SCP2: variants seen among roughly 807,000 people sequenced by gnomAD.
SCP2 encodes sterol carrier protein 2.
Under a neutral mutation model 71.4 loss-of-function variants are expected in SCP2, and 48 were observed. That is an observed-to-expected ratio of 0.67 (90% CI 0.53 to 0.86). The LOEUF (loss-of-function observed/expected upper bound fraction) is 0.86. Among genes scored for constraint, SCP2 ranks in the 40% least tolerant of loss-of-function variants. SCP2 has a pLI of 0.00. For synonymous variants in SCP2, 220 were observed against 218.1 expected, an observed-to-expected ratio of 1.01 and a Z score of -0.08; for missense variants, 560 against 655.6, an observed-to-expected ratio of 0.85 and a Z score of 1.59.
chr1:52,978,257 G>A lies in SCP2; in HGVS notation c.715G>A (p.Glu239Lys). ...TGCTGCAGCAGCAATTTTGGCCAGT[G>A]AAGCATTTGTACAGAAGTATGGCCT... ...DGAAAAILAS[E>K]AFVQKYGLQS... The change falls in exon 9 of 16, where the codon GAA (glutamate) becomes AAA (lysine). Residue 239 changes from glutamate (E) to lysine (K), a missense_variant. Transcript: ENST00000371514. The A allele has an allele frequency of 6.2e-7, 1 of 1,614,072 alleles. No homozygotes were observed. The highest frequency in any genetic ancestry group is 1.1e-5 in the South Asian group (1 of 91,080).
At chr1:52,949,470 C>A (rs959695296) in intron 3 of SCP2, among the ~76,000 whole-genome samples, 4 of 152,142 alleles carry the variant, frequency 2.6e-5, no homozygotes, top group African/African-American at 9.7e-5. Context: ...AGAAAGGGTA[C>A]ACTCGCCAGC....
intron 11 of SCP2, among the ~76,000 whole-genome samples, chr1:52,997,983 A>G (rs1660049625): frequency 6.6e-6 from 1 of 152,200 alleles, no homozygotes; most frequent in African/African-American, 2.4e-5. Context: ...AACTTCATAT[A>G]AATGGAATCA....
intron 11 of SCP2, among the ~76,000 whole-genome samples, chr1:52,991,146 A>G (rs566763532): frequency 3.3e-5 from 5 of 152,196 alleles, no homozygotes; most frequent in Non-Finnish European, 5.9e-5. Context: ...TCTCTTTAGT[A>G]TGTAGCTTAG....
At chr1:52,974,948 TA>T (rs1322775123) in intron 7 of SCP2, 116 bp downstream of exon 7, 3 of 695,642 alleles carry the variant, frequency 4.3e-6, no homozygotes, top group African/African-American at 3.6e-5. Context: ...TAGAATGTTT[TA>T]TTTTTTTCTT....
In SCP2 at chr1:53,038,944, G is replaced by A. The variant is rs779243900; in HGVS notation, c.1366G>A (p.Gly456Ser). The change falls in exon 14 of 16, where the codon GGT becomes AGT. Residue 456 changes from glycine (G) to serine (S), a missense_variant. Coordinates refer to ENST00000371514, the MANE Select transcript of SCP2 (RefSeq NM_002979.5). ...AGGGGAACAGTTTGTGAAGAAAATC[G>A]GTGGTATTTTTGCCTTCAAGGTGAA... ...EEGEQFVKKIGGIFAFKVKDG... is the reference protein window; with the variant it reads ...EEGEQFVKKISGIFAFKVKDG... 7.4e-6 allele frequency: 12 copies of A among 1,613,944 alleles called. No individual in the cohort carries two copies. The highest frequency in any genetic ancestry group is 5.0e-5 in the Admixed American group (3 of 59,996).
intron 3 of SCP2, among the ~76,000 whole-genome samples, chr1:52,949,292 G>T (rs898543096): frequency 1.3e-5 from 2 of 152,158 alleles, no homozygotes; most frequent in Admixed American, 6.5e-5. Flanking sequence ...TGATTTTGCT[G>T]AAGACTCCTG....
rs1229996145 is a variant in SCP2 at position 53,050,871 on chromosome 1, A to G, written c.*167A>G. ...CCTGTTTTTCCTATGCTCTGGGTGA[A>G]TAGAGCCTGATGGTATACTACTGCT... On this transcript the variant is annotated 3_prime_UTR_variant, in exon 16 of 16. Coordinates refer to ENST00000371514, the MANE Select transcript of SCP2 (RefSeq NM_002979.5). 3.4e-6 allele frequency: 2 copies of G among 595,860 alleles called. No homozygotes were observed. Among genetic ancestry groups the G allele is most frequent in the African/African-American group, 3.7e-5 (2 of 53,692 alleles). 36.9% of individuals were successfully genotyped at this position (595,860 alleles called of 1,614,324 possible).
intron 6 of SCP2, among the ~76,000 whole-genome samples, chr1:52,971,607 C>T (rs1187664996): frequency 6.6e-6 from 1 of 152,168 alleles, no homozygotes; most frequent in African/African-American, 2.4e-5. Flanking sequence ...CATTTTTATG[C>T]TTAGGTTCAA....
rs777497403 is a variant in SCP2, at chr1:52,927,385, A to T, written c.-12A>T. The T allele has an allele frequency of 1.1e-5, 17 of 1,581,260 alleles. 1 individual carries two copies. In the South Asian group the frequency reaches 1.7e-4, roughly 16 times the overall value. On this transcript the variant is annotated 5_prime_UTR_variant, in exon 1 of 16. Coordinates refer to ENST00000371514, the MANE Select transcript of SCP2 (RefSeq NM_002979.5). ...TCCGCGGCGCCCGCCCCGGTCCCGC[A>T]CTGGTGCAGCCATGTCCTCTTCCCC...
intron 2 of SCP2, among the ~76,000 whole-genome samples, chr1:52,944,716 G>T (rs17107484): frequency 6.6e-6 from 1 of 151,866 alleles, no homozygotes; most frequent in Non-Finnish European, 1.5e-5. Flanking sequence ...TTAACTCTGG[G>T]GATTGACTAG....
In SCP2 at chr1:52,988,099, T is replaced by G; in HGVS notation, c.1044T>G (p.Gly348=). ...GAAAGTGGGTCATAAATCCTAGTGG[T>G]GGACTGATTTCAAAGGGACACCCAC... The part of the protein sequence containing the change: ...YGGKWVINPS[G]GLISKGHPLG... Residue 348 remains glycine (G), a synonymous_variant, in exon 11 of 16, where the codon GGT becomes GGG. Coordinates refer to ENST00000371514, the MANE Select transcript of SCP2 (RefSeq NM_002979.5). 6.2e-7 allele frequency: 1 copy of G among 1,602,412 alleles called. No individual in the cohort carries two copies. The highest frequency in any genetic ancestry group is 8.5e-7 in the Non-Finnish European group (1 of 1,169,616).
intron 11 of SCP2, among the ~76,000 whole-genome samples, chr1:53,013,064 A>G (rs557446558): frequency 3.4e-5 from 5 of 147,456 alleles, no homozygotes; most frequent in African/African-American, 7.5e-5. Flanking sequence ...TAATTTCTAA[A>G]TTGTTCACAA....
intron 14 of SCP2, among the ~76,000 whole-genome samples, chr1:53,041,268 G>T (rs1418508565): frequency 6.6e-6 from 1 of 152,046 alleles, no homozygotes; most frequent in Non-Finnish European, 1.5e-5. Context: ...CTGGGTGTGT[G>T]GTGCGTGCCT....
At chr1:52,955,157 T>A (rs545134015) in intron 5 of SCP2, among the ~76,000 whole-genome samples, 1 of 152,344 alleles carries the variant, frequency 6.6e-6, no homozygotes, top group East Asian at 1.9e-4. Flanking sequence ...GCCAGTTCTC[T>A]CACTGATAAC....
intron 10 of SCP2, among the ~76,000 whole-genome samples, chr1:52,982,271 G>T (rs1488931257): frequency 6.6e-6 from 1 of 152,066 alleles, no homozygotes; most frequent in Non-Finnish European, 1.5e-5. Flanking sequence ...CTTCTGGGGG[G>T]TAAAATCTCT....
intron 4 of SCP2, among the ~76,000 whole-genome samples, chr1:52,954,289 C>T (rs1279243536): frequency 4.7e-5 from 7 of 150,092 alleles, no homozygotes; most frequent in Non-Finnish European, 7.4e-5. Flanking sequence ...ACTCCAATCT[C>T]GGTGACAGAC....
intron 7 of SCP2, among the ~76,000 whole-genome samples, chr1:52,975,723 T>C (rs554044838): frequency 1.3e-5 from 2 of 152,240 alleles, no homozygotes; most frequent in Non-Finnish European, 1.5e-5. Flanking sequence ...GGAACTAGTA[T>C]TCTTTAATTT....
chr1:52,975,506 C>T (rs543486832), intron 7 of SCP2, among the ~76,000 whole-genome samples: 53 of 152,104 alleles, frequency 3.5e-4, no homozygotes, highest in African/African-American at 1.3e-3. Flanking sequence ...GAGCTTTTGC[C>T]ATGTTGGCCA....
chr1:52,987,016 T>A lies in SCP2; in HGVS notation c.974-1013T>A, dbSNP rs1176249343. ...TATATATATATATATATTTTTTTTTTTTTTTTTTTGAGACAGAGTTTTGCT... is the reference window on the plus strand; with the variant it reads ...TATATATATATATATATTTTTTTTTATTTTTTTTTGAGACAGAGTTTTGCT... On this transcript the variant is annotated intron_variant, in intron 10 of 15. Coordinates refer to ENST00000371514, the MANE Select transcript of SCP2 (RefSeq NM_002979.5). Among the ~76,000 whole-genome samples the A allele has an allele frequency of 1.1e-3, 154 of 142,946 alleles. 1 individual carries two copies. Among genetic ancestry groups the A allele is most frequent in the African/African-American group, 3.4e-3 (137 of 39,890 alleles). 93.8% of individuals were successfully genotyped at this position (142,946 alleles called of 152,430 possible). A position where few individuals can be genotyped will look rare whatever the true frequency, so the allele number is the denominator to read the frequency against.
Sources: allele counts gnomAD v4.1 joint callset (sites outside exome capture counted in the v4.1 genomes callset), GRCh38; gene constraint gnomAD v4.1.1; transcripts MANE v1.5; gene names NCBI Gene and HGNC (gene_info 2026-07-23, HGNC 2026-07-21).